Variants in ZCRB1 observed in about 807,000 individuals in gnomAD.
ZCRB1 encodes the protein zinc finger CCHC-type and RNA binding motif containing 1.
A neutral mutation model predicts 29.9 loss-of-function variants in ZCRB1; 21 were observed. The observed-to-expected ratio is 0.70, with a 90% CI of 0.50 to 1.01. ZCRB1 has a LOEUF of 1.01. Among genes scored for constraint, ZCRB1 ranks in the 50% least tolerant of loss-of-function variants. The pLI is 0.00. For missense variants in ZCRB1, 204 were observed against 253.3 expected, an observed-to-expected ratio of 0.81 and a Z score of 1.32; for synonymous variants, 77 against 80.0, an observed-to-expected ratio of 0.96 and a Z score of 0.20.
intron 1 of ZCRB1, among the ~76,000 whole-genome samples, chr12:42,325,005 G>A (rs2068673620): frequency 6.6e-6 from 1 of 152,180 alleles, no homozygotes; most frequent in Non-Finnish European, 1.5e-5. Context: ...GGTGTACTGA[G>A]ACAAACCTAG....
intron 3 of ZCRB1, among the ~76,000 whole-genome samples, chr12:42,321,197 G>A (rs73285619): frequency 0.02 from 3,066 of 152,126 alleles, 96 homozygotes; most frequent in African/African-American, 0.07. Flanking sequence ...TATAACTCTC[G>A]TGTCTTTAAC....
At chr12:42,325,017 T>C (rs140664715) in intron 1 of ZCRB1, among the ~76,000 whole-genome samples, 7 of 152,352 alleles carry the variant, frequency 4.6e-5, no homozygotes, top group Non-Finnish European at 7.3e-5. Flanking sequence ...CAAACCTAGA[T>C]GGTCTAGCCT....
intron 5 of ZCRB1, among the ~76,000 whole-genome samples, chr12:42,314,420 A>C (rs1343630867): frequency 4.7e-5 from 7 of 147,612 alleles, no homozygotes; most frequent in African/African-American, 1.7e-4. Context: ...AAAAAAAAAA[A>C]AAAAAAAAAA....
intron 5 of ZCRB1, among the ~76,000 whole-genome samples, chr12:42,314,692 TA>T (rs1292712416): frequency 2.6e-5 from 4 of 152,148 alleles, no homozygotes; most frequent in Non-Finnish European, 4.4e-5. Context: ...AGATGTTGCT[TA>T]ATACTCTGTT....
intron 3 of ZCRB1, among the ~76,000 whole-genome samples, chr12:42,319,351 C>A (rs2068610115): frequency 6.6e-6 from 1 of 152,084 alleles, no homozygotes; most frequent in African/African-American, 2.4e-5. Context: ...TAAAATCACA[C>A]CATTCCTTTG....
At chr12:42,322,779 T>C (rs2068628227) in intron 2 of ZCRB1, among the ~76,000 whole-genome samples, 1 of 152,204 alleles carries the variant, frequency 6.6e-6, no homozygotes, top group Non-Finnish European at 1.5e-5. Flanking sequence ...AACTCCATCA[T>C]AGTGCCAGAT....
intron 4 of ZCRB1, 101 bp downstream of exon 4, chr12:42,317,686 A>G (rs1278832513): frequency 2.0e-6 from 2 of 1,010,358 alleles, no homozygotes; most frequent in African/African-American, 1.6e-5. Context: ...GAATCTACTG[A>G]TATCTGCTAG....
chr12:42,313,504 C>T (rs192343001), intron 7 of ZCRB1, among the ~76,000 whole-genome samples, 186 bp downstream of exon 7: 36 of 152,226 alleles, frequency 2.4e-4, no homozygotes, highest in African/African-American at 7.7e-4. Context: ...CCCTTAAAAT[C>T]TAGGAAGAAC....
chr12:42,314,095 T>A, intron 5 of ZCRB1, 109 bp from the exon 6 acceptor site: 2 of 1,090,390 alleles, frequency 1.8e-6, no homozygotes, highest in Non-Finnish European at 1.3e-6. Flanking sequence ...AAAAGGAATA[T>A]TCCCATACTG....
chr12:42,313,766 C>G lies in ZCRB1; in HGVS notation c.447-1G>C. On this transcript the variant is annotated splice_acceptor_variant, in intron 6 of 7. Transcript: ENST00000266529. LOFTEE classifies it high-confidence loss of function. ...ATCTTCACTTTCTTCTACTTCCTCA[C>G]TTAAATAAAGAAAAACAAATTGGAA... The G allele has an allele frequency of 1.2e-6, 2 of 1,613,826 alleles. No individual in the cohort carries two copies. Among genetic ancestry groups the G allele is most frequent in the Non-Finnish European group, 1.7e-6 (2 of 1,179,954 alleles).
intron 1 of ZCRB1, 39 bp from the exon 2 acceptor site, chr12:42,324,143 C>T: frequency 6.3e-7 from 1 of 1,579,802 alleles, no homozygotes; most frequent in South Asian, 1.1e-5. Context: ...TCAGTCTAAA[C>T]CAGGATTCTT....
rs957325150 is a variant in ZCRB1 at position 42,312,962 on chromosome 12, T to C, written c.*105A>G. The stretch of plus-strand genomic sequence containing the variant: ...ATCTTTTTTCTTGGGATGACAATAA[T>C]AGTATTAACATGATAGTATTAATTT... On this transcript the variant is annotated 3_prime_UTR_variant, in exon 8 of 8. Transcript: ENST00000266529. 2 of 1,102,630 alleles carry C rather than the reference T, an allele frequency of 1.8e-6. No individual in the cohort carries two copies. Among genetic ancestry groups the C allele is most frequent in the Non-Finnish European group, 2.4e-6 (2 of 842,286 alleles). The allele number at this position is 1,102,630 out of a possible 1,614,324, so 68.3% of individuals were successfully genotyped here.
intron 3 of ZCRB1, among the ~76,000 whole-genome samples, chr12:42,319,785 T>C (rs12423383): frequency 0.29 from 44,085 of 152,114 alleles, 7,527 homozygotes; most frequent in Non-Finnish European, 0.38. Context: ...GCTCAATATG[T>C]TGATTGATAG....
chr12:42,322,554 C>T (rs1483337300), intron 2 of ZCRB1, 108 bp from the exon 3 acceptor site: 1 of 1,188,242 alleles, frequency 8.4e-7, no homozygotes, highest in Non-Finnish European at 1.1e-6. Context: ...TGAATAATTT[C>T]AGCCTTCAGT....
In ZCRB1 at chr12:42,317,821, G is replaced by A; in HGVS notation, c.191C>T (p.Ala64Val). 2.5e-6 allele frequency: 4 copies of A among 1,613,522 alleles called. No individual in the cohort carries two copies. Among genetic ancestry groups the A allele is most frequent in the Non-Finnish European group, 3.4e-6 (4 of 1,179,868 alleles). Residue 64 changes from alanine to valine, a missense_variant, in exon 4 of 8, where the codon GCA becomes GTA. Transcript: ENST00000266529. ...GTTTATTGCCCTGGTACAGTTTTGTGCAGAGTCTTTATCCAAAAATAAAAT... is the reference window on the plus strand; with the variant it reads ...GTTTATTGCCCTGGTACAGTTTTGTACAGAGTCTTTATCCAAAAATAAAAT... ...AFILFLDKDSAQNCTRAINNK... is the reference protein window; with the variant it reads ...AFILFLDKDSVQNCTRAINNK...
chr12:42,313,587 A>T lies in ZCRB1; in HGVS notation c.522+103T>A, dbSNP rs141594178. On this transcript the variant is annotated intron_variant, in intron 7 of 7. Transcript: ENST00000266529. ...CTTGTCTCCTAAGGCTTAGGAGGTT[A>T]GGGGGAAAAAGAGAGGTTGCCATGA... 217 of 1,229,274 alleles carry T rather than the reference A, an allele frequency of 1.8e-4. 1 individual carries two copies. The East Asian group carries it at 4.5e-3, about 26-fold the overall frequency. 76.1% of individuals were successfully genotyped at this position (1,229,274 alleles called of 1,614,324 possible). A position where few individuals can be genotyped will look rare whatever the true frequency, so the allele number is the denominator to read the frequency against.
rs762121681 is a variant in ZCRB1 at position 42,313,866 on chromosome 12, A to G, written c.446+8T>C. On this transcript the variant is annotated splice_region_variant and intron_variant, in intron 6 of 7. Coordinates refer to ENST00000266529, the MANE Select transcript of ZCRB1 (RefSeq NM_033114.4). ...TGATGATGTATTTAGTAAGAATAAT[A>G]TACATACATTTCTTCTTCTGGTTCA... 4 of 1,601,768 alleles carry G rather than the reference A, an allele frequency of 2.5e-6. No individual in the cohort carries two copies. Among genetic ancestry groups the G allele is most frequent in the Non-Finnish European group, 1.7e-6 (2 of 1,177,174 alleles).
In ZCRB1 at chr12:42,313,935, C is replaced by A; in HGVS notation, c.385G>T (p.Glu129Ter). ...ACPKNMLGER[E>*]PPKKKEKKKK... is the part of the protein sequence containing the mutation. Reference sequence around the variant, plus strand: ...TTTTTTTCTTTCTTCTTTGGAGGCTCACGTTCTCCGAGCATATTTTTCGGA... The same window carrying A: ...TTTTTTTCTTTCTTCTTTGGAGGCTAACGTTCTCCGAGCATATTTTTCGGA... Residue 129 changes from glutamate to a stop codon, truncating the protein, a stop_gained, in exon 6 of 8, where the codon GAG becomes TAG. Transcript: ENST00000266529. LOFTEE classifies it high-confidence loss of function. 4 of 1,604,704 alleles carry A rather than the reference C, an allele frequency of 2.5e-6. No individual in the cohort carries two copies. Among genetic ancestry groups the A allele is most frequent in the Non-Finnish European group, 3.4e-6 (4 of 1,178,250 alleles).
At position 42,317,436 on chromosome 12, in the gene ZCRB1, T is replaced by G; in HGVS notation, c.237A>C (p.Arg79Ser). 6.2e-7 allele frequency: 1 copy of G among 1,605,306 alleles called. No individual in the cohort carries two copies. Among genetic ancestry groups the G allele is most frequent in the Non-Finnish European group, 8.5e-7 (1 of 1,177,280 alleles). The change falls in exon 5 of 8, where the codon AGA (arginine) becomes AGC (serine). Residue 79 changes from arginine to serine, a missense_variant. Arg to Ser is a moderately radical substitution (Grantham distance 110). Transcript: ENST00000266529. ...CAATAGCAATGCTTGCTTTTATCAC[T>G]CTACCAAATAACTAAACAAGAGAAA... ...RAINNKQLFG[R>S]VIKASIAIDN...
Sources: gnomAD v4.1 joint callset for allele counts (sites outside exome capture counted in the v4.1 genomes callset) on GRCh38, gnomAD v4.1.1 for gene constraint, MANE v1.5 for transcripts, NCBI Gene and HGNC (gene_info 2026-07-23, HGNC 2026-07-21) for gene names.